The following CNTNAP2 variants were observed in gnomAD, a reference collection of about 807,000 sequenced individuals.
CNTNAP2 encodes contactin-associated protein-like 2.
CNTNAP2 carries 98 observed loss-of-function variants against 155.2 expected under a neutral mutation model. That is an observed-to-expected ratio of 0.63 (90% confidence interval 0.54 to 0.75). CNTNAP2 has a LOEUF of 0.75. Among genes scored for constraint, CNTNAP2 ranks in the 30% least tolerant of loss-of-function variants. CNTNAP2 has a pLI of 0.00. For synonymous variants in CNTNAP2, 651 were observed against 631.2 expected, an observed-to-expected ratio of 1.03 and a Z score of -0.47; for missense variants, 1,727 against 1,688.1, an observed-to-expected ratio of 1.02 and a Z score of -0.40.
At chr7:146,805,348 T>C (rs1228404326) in intron 2 of CNTNAP2, among the ~76,000 whole-genome samples, 1 of 152,188 alleles carries the variant, frequency 6.6e-6, no homozygotes, top group Non-Finnish European at 1.5e-5. Flanking sequence ...AGGGTAGGCC[T>C]CTATAAAATT....
intron 18 of CNTNAP2, among the ~76,000 whole-genome samples, chr7:148,184,707 C>G (rs920802379): frequency 6.6e-6 from 1 of 152,154 alleles, no homozygotes; most frequent in Non-Finnish European, 1.5e-5. Context: ...TTGAGTTTAT[C>G]CCAATTAAAG....
chr7:147,222,896 A>G (rs1208247367), intron 8 of CNTNAP2, among the ~76,000 whole-genome samples: 1 of 146,240 alleles, frequency 6.8e-6, no homozygotes, highest in East Asian at 2.0e-4. Context: ...CCTTTCTTCC[A>G]GGAAAGTTGG....
rs149034230 is a variant in CNTNAP2, at chr7:148,103,735, C to T, written c.2384-14383C>T. On this transcript the variant is annotated intron_variant, in intron 15 of 23. Coordinates refer to ENST00000361727, the MANE Select transcript of CNTNAP2 (RefSeq NM_014141.6). Reference sequence around the variant, plus strand: ...TCCTTAAAATCAGAGCATTCATTTCCGTTTGGATGCACTATTTATTTTTAT... The same window carrying T: ...TCCTTAAAATCAGAGCATTCATTTCTGTTTGGATGCACTATTTATTTTTAT... 2.2e-3 allele frequency among the ~76,000 whole-genome samples: 334 copies of T among 152,252 alleles called. 1 individual carries two copies. Among genetic ancestry groups the T allele is most frequent in the African/African-American group, 7.8e-3 (324 of 41,542 alleles).
intron 21 of CNTNAP2, among the ~76,000 whole-genome samples, chr7:148,375,217 T>C (rs928020952): frequency 6.7e-6 from 1 of 149,904 alleles, no homozygotes; most frequent in Non-Finnish European, 1.5e-5. Context: ...CAACTATATA[T>C]GTATAGTTAT....
At chr7:146,564,641 A>G (rs1798329954) in intron 1 of CNTNAP2, among the ~76,000 whole-genome samples, 1 of 150,238 alleles carries the variant, frequency 6.7e-6, no homozygotes. Flanking sequence ...AATATGTATA[A>G]ACATATATTT....
At position 148,388,969 on chromosome 7, in the gene CNTNAP2, CTCAGGGG is replaced by C. The variant is rs559774197; in HGVS notation, c.3715+5093_3715+5099del. Among the ~76,000 whole-genome samples, 71 of 152,268 alleles carry C rather than the reference CTCAGGGG, an allele frequency of 4.7e-4. No individual in the cohort carries two copies. In the South Asian group the frequency reaches 6.4e-3, roughly 14 times the overall value. On this transcript the variant is annotated intron_variant, in intron 22 of 23. Coordinates refer to ENST00000361727, the MANE Select transcript of CNTNAP2 (RefSeq NM_014141.6). ...TGGGGGGTGCCTCCCAGTTAGGCTG[CTCAGGGG>C]TCAGGGGTCAGAGACCCACTTGAGG...
intron 15 of CNTNAP2, among the ~76,000 whole-genome samples, chr7:148,021,813 G>T (rs1453856366): frequency 2.0e-5 from 3 of 152,204 alleles, no homozygotes; most frequent in Non-Finnish European, 2.9e-5. Flanking sequence ...CCAAAACCTG[G>T]AGGATTGCTC....
intron 21 of CNTNAP2, among the ~76,000 whole-genome samples, chr7:148,302,566 A>AG (rs1451187975): frequency 6.6e-6 from 1 of 152,076 alleles, no homozygotes; most frequent in Non-Finnish European, 1.5e-5. Context: ...CCATGTGTCA[A>AG]GGGGGGACCT....
intron 21 of CNTNAP2, among the ~76,000 whole-genome samples, chr7:148,271,631 G>C (rs927411978): frequency 9.2e-5 from 14 of 152,160 alleles, no homozygotes; most frequent in African/African-American, 2.7e-4. Flanking sequence ...CTAAAATTCT[G>C]TTAATAAAAT....
intron 15 of CNTNAP2, among the ~76,000 whole-genome samples, chr7:148,076,730 A>G (rs1191825403): frequency 6.6e-6 from 1 of 151,852 alleles, no homozygotes. Flanking sequence ...GGTGTGAGCC[A>G]CCGTGCCCGG....
chr7:146,639,726 A>T (rs1799673345), intron 1 of CNTNAP2, among the ~76,000 whole-genome samples: 1 of 152,236 alleles, frequency 6.6e-6, no homozygotes, highest in Non-Finnish European at 1.5e-5. Context: ...CACTGTGGTC[A>T]ACACTTACAG....
At chr7:147,325,266 C>T (rs112609631) in intron 9 of CNTNAP2, among the ~76,000 whole-genome samples, 106 of 152,292 alleles carry the variant, frequency 7.0e-4, no homozygotes, top group African/African-American at 2.5e-3. Context: ...CGCCACTACA[C>T]TCCAGTCTGG....
chr7:147,477,166 T>C (rs1481636688), intron 10 of CNTNAP2, among the ~76,000 whole-genome samples: 2 of 152,080 alleles, frequency 1.3e-5, no homozygotes, highest in Non-Finnish European at 2.9e-5. Flanking sequence ...TGGGGAGAAA[T>C]ATAGTTTACA....
At chr7:146,809,661 G>T (rs1234489988) in intron 2 of CNTNAP2, among the ~76,000 whole-genome samples, 4 of 152,110 alleles carry the variant, frequency 2.6e-5, no homozygotes, top group Admixed American at 2.6e-4. Context: ...ACTGCACTTG[G>T]TCTCTGCTGG....
At chr7:146,509,539 C>T (rs754054720) in intron 1 of CNTNAP2, among the ~76,000 whole-genome samples, 13 of 152,164 alleles carry the variant, frequency 8.5e-5, no homozygotes, top group Non-Finnish European at 1.6e-4. Context: ...TCTGAGCCCA[C>T]CCCTGGGGCC....
At chr7:147,570,438 T>C (rs903149812) in intron 12 of CNTNAP2, among the ~76,000 whole-genome samples, 1 of 152,226 alleles carries the variant, frequency 6.6e-6, no homozygotes, top group Non-Finnish European at 1.5e-5. Flanking sequence ...CTGTTAATGC[T>C]CTTATAATTG....
At chr7:146,714,014 TAAA>T (rs908189195) in intron 1 of CNTNAP2, among the ~76,000 whole-genome samples, 1 of 151,506 alleles carries the variant, frequency 6.6e-6, no homozygotes, top group South Asian at 2.1e-4. Context: ...ATAGAGCAAA[TAAA>T]AAAAAATTGA....
intron 16 of CNTNAP2, among the ~76,000 whole-genome samples, chr7:148,141,009 A>G (rs533154122): frequency 3.9e-5 from 6 of 152,364 alleles, no homozygotes; most frequent in South Asian, 2.1e-4. Context: ...AATGTTTCTT[A>G]AAGTAAGATT....
chr7:147,502,281 A>G (rs1798828982), intron 11 of CNTNAP2, among the ~76,000 whole-genome samples: 1 of 152,210 alleles, frequency 6.6e-6, no homozygotes, highest in Non-Finnish European at 1.5e-5. Context: ...TAGCAAAAGA[A>G]AGCTGGAGGA....
Sources: allele counts gnomAD v4.1 joint callset (sites outside exome capture counted in the v4.1 genomes callset), GRCh38; gene constraint gnomAD v4.1.1; transcripts MANE v1.5; gene names NCBI Gene and HGNC (gene_info 2026-07-23, HGNC 2026-07-21).